Variants in ARID1B observed in about 807,000 individuals in gnomAD.
The protein encoded by ARID1B is AT-rich interaction domain 1B, also known as AT-rich interactive domain-containing protein 1B.
A neutral mutation model predicts 212.3 loss-of-function variants in ARID1B; 30 were observed. That is an observed-to-expected ratio of 0.14 (90% CI 0.11 to 0.19). ARID1B has a LOEUF of 0.19. Among genes scored for constraint, ARID1B ranks in the 10% least tolerant of loss-of-function variants. The pLI is 1.00. For missense variants in ARID1B, 2,891 were observed against 3,204.0 expected (o/e 0.90, Z 2.36); for synonymous variants, 1,402 against 1,301.7 (o/e 1.08, Z -1.66).
At chr6:156,923,818 A>G (rs1791001366) in intron 3 of ARID1B, among the ~76,000 whole-genome samples, 1 of 150,570 alleles carries the variant, frequency 6.6e-6, no homozygotes, top group Non-Finnish European at 1.5e-5. Context: ...AGTGATTCTC[A>G]TGCCTCAGCC....
intron 4 of ARID1B, among the ~76,000 whole-genome samples, chr6:156,969,970 T>G (rs577485922): frequency 3.3e-5 from 5 of 151,844 alleles, no homozygotes; most frequent in African/African-American, 4.8e-5. Context: ...TGAAAATTAA[T>G]GTTTACCTTT....
At position 156,955,176 on chromosome 6, in the gene ARID1B, A is replaced by G. The variant is rs2128312508; in HGVS notation, c.2247+19600A>G. Among the ~76,000 whole-genome samples, 1 of 152,352 alleles carries G rather than the reference A, an allele frequency of 6.6e-6. No homozygotes were observed. Among genetic ancestry groups the G allele is most frequent in the East Asian group, 1.9e-4 (1 of 5,190 alleles). On this transcript the variant is annotated intron_variant, in intron 4 of 19. Transcript: ENST00000636930. This position sits in a 1 kb window ranked among gnomAD's most constrained non-coding sequence, Gnocchi z 4.2. ...TTGTTCAAGCTTGCTAACGTGTGTTAGGATCCTGAATCTGGCATCTGTTGT... is the reference window on the plus strand; with the variant it reads ...TTGTTCAAGCTTGCTAACGTGTGTTGGGATCCTGAATCTGGCATCTGTTGT...
intron 2 of ARID1B, among the ~76,000 whole-genome samples, chr6:156,855,816 G>A (rs1784882507): frequency 6.6e-6 from 1 of 152,150 alleles, no homozygotes; most frequent in South Asian, 2.1e-4. Context: ...GGAGAAATTA[G>A]CTCTGGAATC....
intron 4 of ARID1B, among the ~76,000 whole-genome samples, chr6:156,963,115 T>G (rs1049224260): frequency 6.6e-6 from 1 of 152,146 alleles, no homozygotes; most frequent in African/African-American, 2.4e-5. Flanking sequence ...TAGTTAGTTA[T>G]AGTTTATTTT....
intron 4 of ARID1B, among the ~76,000 whole-genome samples, chr6:156,976,068 G>T (rs549077608): frequency 6.6e-6 from 1 of 152,046 alleles, no homozygotes; most frequent in Non-Finnish European, 1.5e-5. Context: ...GTACATAAGC[G>T]CAAGGGCTGG....
chr6:156,796,476 CATTA>C (rs528647728), intron 1 of ARID1B, among the ~76,000 whole-genome samples: 147 of 149,452 alleles, frequency 9.8e-4, no homozygotes, highest in African/African-American at 3.5e-3. Flanking sequence ...AAATCTCTGT[CATTA>C]TGATGAAAGG....
chr6:156,909,097 C>CT (rs1306511430), intron 3 of ARID1B, among the ~76,000 whole-genome samples: 1 of 146,390 alleles, frequency 6.8e-6, no homozygotes, highest in African/African-American at 2.5e-5. Flanking sequence ...CGTAAGGGCA[C>CT]TTCTTTTTTT....
intron 2 of ARID1B, among the ~76,000 whole-genome samples, chr6:156,840,904 G>T (rs1296616758): frequency 6.6e-6 from 1 of 152,204 alleles, no homozygotes; most frequent in Non-Finnish European, 1.5e-5. Flanking sequence ...TGCACTGGGT[G>T]TAATACCTCA....
intron 14 of ARID1B, 92 bp downstream of exon 14, chr6:157,189,872 T>C (rs1172868859): frequency 1.3e-6 from 2 of 1,584,736 alleles, no homozygotes; most frequent in Non-Finnish European, 1.7e-6. Flanking sequence ...AGAAATGGTA[T>C]TCCCTAGAGA....
chr6:157,084,392 T>C (rs1784832755), intron 4 of ARID1B, among the ~76,000 whole-genome samples: 1 of 152,188 alleles, frequency 6.6e-6, no homozygotes, highest in African/African-American at 2.4e-5. Context: ...GACTCGGTGC[T>C]GACAGCTGAA....
Position 156,830,685 on chromosome 6 carries a change from C to T in ARID1B, c.1986+1264C>T, listed in dbSNP as rs561101187. Among the ~76,000 whole-genome samples the T allele has an allele frequency of 3.0e-4, 46 of 151,500 alleles. 1 individual carries two copies. Among genetic ancestry groups the T allele is most frequent in the African/African-American group, 8.5e-4 (35 of 41,238 alleles). On this transcript the variant is annotated intron_variant, in intron 2 of 19. Coordinates refer to ENST00000636930, the MANE Select transcript of ARID1B (RefSeq NM_001374828.1). ...GCACCCTCCTGTATTTCCAGCTATT[C>T]GGGAGGCTGAAGTGGGAGGATCGCT...
At chr6:156,782,136 T>C (rs1052780666) in intron 1 of ARID1B, among the ~76,000 whole-genome samples, 2 of 151,740 alleles carry the variant, frequency 1.3e-5, no homozygotes, top group Non-Finnish European at 2.9e-5. Flanking sequence ...GTTAGTATTA[T>C]TTAGTATTAG....
intron 11 of ARID1B, among the ~76,000 whole-genome samples, chr6:157,176,488 T>C (rs1004390076): frequency 1.3e-5 from 2 of 152,102 alleles, no homozygotes; most frequent in African/African-American, 2.4e-5. Context: ...TTCTCAAAAG[T>C]ATTTGTGTGT....
intron 1 of ARID1B, among the ~76,000 whole-genome samples, chr6:156,803,211 C>G (rs1313930038): frequency 6.6e-6 from 1 of 151,944 alleles, no homozygotes; most frequent in Non-Finnish European, 1.5e-5. Flanking sequence ...TGCATGTGGT[C>G]TTGTACATTT....
intron 4 of ARID1B, among the ~76,000 whole-genome samples, chr6:157,041,588 C>G (rs112635692): frequency 6.6e-6 from 1 of 152,130 alleles, no homozygotes; most frequent in African/African-American, 2.4e-5. Flanking sequence ...GAAAAAAGCA[C>G]GTTTTTATTT....
chr6:157,104,771 G>A (rs964107530), intron 5 of ARID1B, among the ~76,000 whole-genome samples: 1 of 152,168 alleles, frequency 6.6e-6, no homozygotes, highest in Admixed American at 6.5e-5. Flanking sequence ...GTTCTTGGGT[G>A]GGATGAACTC....
At chr6:157,130,494 A>C (rs192329115) in intron 6 of ARID1B, among the ~76,000 whole-genome samples, 16 of 152,210 alleles carry the variant, frequency 1.1e-4, no homozygotes, top group African/African-American at 3.9e-4. Context: ...GTTTGTTTTC[A>C]GATTGAATAA....
At chr6:156,962,364 T>G (rs1279649479) in intron 4 of ARID1B, among the ~76,000 whole-genome samples, 1 of 152,258 alleles carries the variant, frequency 6.6e-6, no homozygotes, top group Non-Finnish European at 1.5e-5. Flanking sequence ...GTAATGTCTT[T>G]AAACAGTTAT....
chr6:157,173,786 A>G (rs1791888067), intron 9 of ARID1B: 1 of 463,210 alleles, frequency 2.2e-6, no homozygotes. Flanking sequence ...TTAAGCACAC[A>G]GAATGACTGC....
Sources: allele counts gnomAD v4.1 joint callset (sites outside exome capture counted in the v4.1 genomes callset), GRCh38; gene constraint gnomAD v4.1.1; non-coding constraint Gnocchi (gnomAD v3.1); transcripts MANE v1.5; gene names NCBI Gene and HGNC (gene_info 2026-07-23, HGNC 2026-07-21).